ADGRB3: variants seen among roughly 807,000 people sequenced by gnomAD.
The protein encoded by ADGRB3 is brain-specific angiogenesis inhibitor 3.
ADGRB3 carries 37 observed loss-of-function variants against 193.4 expected under a neutral mutation model. The observed-to-expected ratio is 0.19, with a 90% CI of 0.15 to 0.25. The LOEUF (loss-of-function observed/expected upper bound fraction) is 0.25, where lower values mean the gene tolerates loss of function less well. ADGRB3 is among the 10% of genes least tolerant of loss of function. ADGRB3 has a pLI of 1.00. For synonymous variants in ADGRB3, 690 were observed against 644.2 expected (o/e 1.07, Z -1.08); for missense variants, 1,637 against 1,852.9 (o/e 0.88, Z 2.14).
At chr6:68,721,751 G>GAAAGC (rs1307171753) in intron 3 of ADGRB3, among the ~76,000 whole-genome samples, 1 of 149,702 alleles carries the variant, frequency 6.7e-6, no homozygotes, top group Non-Finnish European at 1.5e-5. Context: ...GAAAGGAAAG[G>GAAAGC]AAAGCTCTAC....
rs570552556 is a variant in ADGRB3 at position 68,834,152 on chromosome 6, C to T, written c.758-96407C>T. On this transcript the variant is annotated intron_variant, in intron 3 of 31. Transcript: ENST00000370598. ...GCAAACCTAGTCTAAATGGTAAACT[C>T]TTTTATATCATTCTGTGCAACTCTG... Among the ~76,000 whole-genome samples the T allele has an allele frequency of 2.6e-5, 4 of 152,044 alleles. No individual in the cohort carries two copies. The East Asian group carries it at 7.7e-4, about 29-fold the overall frequency.
intron 3 of ADGRB3, among the ~76,000 whole-genome samples, chr6:68,822,320 GA>G (rs1253619532): frequency 2.0e-5 from 3 of 152,050 alleles, no homozygotes; most frequent in East Asian, 3.9e-4. Context: ...AAATTAGGGT[GA>G]AAGGAAAATA....
chr6:69,220,867 G>C (rs1487172735), intron 17 of ADGRB3, among the ~76,000 whole-genome samples: 4 of 152,014 alleles, frequency 2.6e-5, no homozygotes, highest in African/African-American at 9.7e-5. Flanking sequence ...GAAATGGAAT[G>C]ATGCATTCTT....
At chr6:69,232,485 G>A in intron 17 of ADGRB3, 1 of 1,534,306 alleles carries the variant, frequency 6.5e-7, no homozygotes, top group African/African-American at 1.4e-5. Flanking sequence ...TGGACTTTGG[G>A]GTGGGGTTAT....
At chr6:69,287,133 G>A (rs942737569) in intron 20 of ADGRB3, among the ~76,000 whole-genome samples, 4 of 152,162 alleles carry the variant, frequency 2.6e-5, no homozygotes, top group African/African-American at 7.2e-5. Flanking sequence ...TTGAAGGTCA[G>A]TTTCTTGAGT....
intron 3 of ADGRB3, among the ~76,000 whole-genome samples, chr6:68,674,145 T>C (rs1252649074): frequency 6.6e-6 from 1 of 152,124 alleles, no homozygotes. Flanking sequence ...AGGCAATTTA[T>C]CTGAGGCTGT....
At position 69,017,681 on chromosome 6, in the gene ADGRB3, GATGC is replaced by G. The variant is rs1770135682; in HGVS notation, c.1999-707_1999-704del. ...AAGTAGGTAGATGGATAGATGGATAGATGCATAGATGGACAGTTAGGTAGATACT... is the reference window on the plus strand; with the variant it reads ...AAGTAGGTAGATGGATAGATGGATAGATAGATGGACAGTTAGGTAGATACT... On this transcript the variant is annotated intron_variant, in intron 12 of 31. Coordinates refer to ENST00000370598, the MANE Select transcript of ADGRB3 (RefSeq NM_001704.3). Among the ~76,000 whole-genome samples, 4 of 151,980 alleles carry G rather than the reference GATGC, an allele frequency of 2.6e-5. 1 individual carries two copies. The South Asian group carries it at 8.3e-4, about 32-fold the overall frequency.
intron 20 of ADGRB3, among the ~76,000 whole-genome samples, chr6:69,322,001 T>G (rs1768465549): frequency 6.6e-6 from 1 of 151,774 alleles, no homozygotes; most frequent in Admixed American, 6.6e-5. Flanking sequence ...CTGATCTCCT[T>G]TCTCCCTCCC....
intron 20 of ADGRB3, among the ~76,000 whole-genome samples, chr6:69,263,883 G>A (rs139274515): frequency 6.6e-6 from 1 of 152,028 alleles, no homozygotes; most frequent in African/African-American, 2.4e-5. Flanking sequence ...CAGCAGAGCC[G>A]AGCAAAACTC....
At chr6:69,292,504 A>G (rs902511563) in intron 20 of ADGRB3, among the ~76,000 whole-genome samples, 3 of 152,054 alleles carry the variant, frequency 2.0e-5, no homozygotes, top group African/African-American at 7.2e-5. Context: ...TTGTTGATAT[A>G]TTTGTTTTAT....
intron 3 of ADGRB3, among the ~76,000 whole-genome samples, chr6:68,914,635 C>T (rs961987578): frequency 5.9e-5 from 9 of 152,104 alleles, no homozygotes; most frequent in Non-Finnish European, 1.0e-4. Context: ...ACTGCATGAA[C>T]TAACAAGCAA....
At chr6:68,773,813 G>A (rs1000383657) in intron 3 of ADGRB3, among the ~76,000 whole-genome samples, 40 of 152,140 alleles carry the variant, frequency 2.6e-4, no homozygotes, top group Middle Eastern at 3.4e-3. Context: ...CATTACGGTA[G>A]CAGCAAGACC....
intron 3 of ADGRB3, among the ~76,000 whole-genome samples, chr6:68,674,993 G>A (rs535709280): frequency 6.6e-6 from 1 of 152,244 alleles, no homozygotes; most frequent in African/African-American, 2.4e-5. Flanking sequence ...TTTGGACCCT[G>A]GTTCAGGGGA....
intron 17 of ADGRB3, among the ~76,000 whole-genome samples, chr6:69,108,507 A>G (rs556862049): frequency 1.3e-5 from 2 of 152,160 alleles, no homozygotes; most frequent in South Asian, 4.1e-4. Context: ...TCAGCTTGCA[A>G]TGCAGGAGTG....
chr6:68,956,605 T>C, intron 7 of ADGRB3, 40 bp from the exon 8 acceptor site: 1 of 1,610,108 alleles, frequency 6.2e-7, no homozygotes, highest in Non-Finnish European at 8.5e-7. Context: ...AAGGAGTGTG[T>C]GGTAGATGAC....
chr6:68,906,428 GA>G (rs1766550892), intron 3 of ADGRB3, among the ~76,000 whole-genome samples: 1 of 151,814 alleles, frequency 6.6e-6, no homozygotes, highest in African/African-American at 2.4e-5. Flanking sequence ...ATATATTGGA[GA>G]TTTTTCAATA....
rs1768048573 is a variant in ADGRB3, at chr6:68,836,501, T to C, written c.758-94058T>C. ...AGAAAGAAGATTCAAGCAGAGACAG[T>C]CTTACTTCAGCATCTTCAACTTGAG... On this transcript the variant is annotated intron_variant, in intron 3 of 31. Transcript: ENST00000370598. 2.6e-5 allele frequency among the ~76,000 whole-genome samples: 4 copies of C among 152,106 alleles called. No individual in the cohort carries two copies. The South Asian group carries it at 6.2e-4, about 24-fold the overall frequency.
At chr6:68,750,041 G>A (rs961382967) in intron 3 of ADGRB3, among the ~76,000 whole-genome samples, 1 of 151,944 alleles carries the variant, frequency 6.6e-6, no homozygotes, top group African/African-American at 2.4e-5. Flanking sequence ...CTTGATAATT[G>A]AAAAAAATAC....
intron 3 of ADGRB3, among the ~76,000 whole-genome samples, chr6:68,850,379 G>A (rs1426320637): frequency 2.0e-5 from 3 of 151,664 alleles, no homozygotes; most frequent in Non-Finnish European, 4.4e-5. Context: ...AGAATTATTG[G>A]GTTACATTTT....
Sources: gnomAD v4.1 joint callset for allele counts (sites outside exome capture counted in the v4.1 genomes callset) on GRCh38, gnomAD v4.1.1 for gene constraint, MANE v1.5 for transcripts, NCBI Gene and HGNC (gene_info 2026-07-23, HGNC 2026-07-21) for gene names.